TBC1D5: variants seen among roughly 807,000 people sequenced by gnomAD.
TBC1D5 encodes TBC1 domain family, member 5.
In TBC1D5, 75 loss-of-function variants were observed where a neutral mutation model predicts 100.3. The ratio of observed to expected loss-of-function variants is 0.75; its 90% CI spans 0.62 to 0.91. The LOEUF (loss-of-function observed/expected upper bound fraction) is 0.91. TBC1D5 is among the 40% of genes least tolerant of loss of function. The pLI is 0.00. For missense variants in TBC1D5, 910 were observed against 942.4 expected, an observed-to-expected ratio of 0.97 and a Z score of 0.45; for synonymous variants, 323 against 325.6, an observed-to-expected ratio of 0.99 and a Z score of 0.09.
intron 2 of TBC1D5, among the ~76,000 whole-genome samples, chr3:17,597,547 A>T (rs2060648914): frequency 6.6e-6 from 1 of 152,210 alleles, no homozygotes; most frequent in South Asian, 2.1e-4. Flanking sequence ...CATTATCATT[A>T]CCCACTCTGT....
chr3:17,298,646 A>T (rs942645532), intron 14 of TBC1D5, among the ~76,000 whole-genome samples: 1 of 152,210 alleles, frequency 6.6e-6, no homozygotes, highest in Non-Finnish European at 1.5e-5. Context: ...CAGTAGGTGA[A>T]TTAATAAACA....
intron 2 of TBC1D5, among the ~76,000 whole-genome samples, chr3:17,545,458 C>T (rs1369163500): frequency 2.0e-5 from 3 of 152,140 alleles, no homozygotes; most frequent in African/African-American, 7.2e-5. Context: ...TACCGTGTTA[C>T]GACAGTCCTA....
At chr3:17,240,428 A>G (rs1282836846) in intron 16 of TBC1D5, among the ~76,000 whole-genome samples, 1 of 152,166 alleles carries the variant, frequency 6.6e-6, no homozygotes, top group Non-Finnish European at 1.5e-5. Flanking sequence ...CCTACTGGAG[A>G]TAAGGATATA....
chr3:17,460,806 T>TA (rs200355442), intron 3 of TBC1D5, among the ~76,000 whole-genome samples: 1 of 150,946 alleles, frequency 6.6e-6, no homozygotes, highest in African/African-American at 2.4e-5. Context: ...AATTATACAA[T>TA]AAAAAAAATT....
intron 8 of TBC1D5, among the ~76,000 whole-genome samples, chr3:17,386,602 C>T (rs1324470897): frequency 2.0e-5 from 3 of 152,066 alleles, no homozygotes; most frequent in African/African-American, 7.2e-5. Context: ...ACTGTTCAAC[C>T]CATGTTCAAA....
intron 1 of TBC1D5, among the ~76,000 whole-genome samples, chr3:17,731,193 A>G (rs1478380263): frequency 6.6e-6 from 1 of 152,146 alleles, no homozygotes; most frequent in African/African-American, 2.4e-5. Context: ...ATCACATAAT[A>G]TAAGGGAGGC....
At chr3:17,674,256 A>C (rs957701550) in intron 1 of TBC1D5, among the ~76,000 whole-genome samples, 2 of 152,188 alleles carry the variant, frequency 1.3e-5, no homozygotes, top group Non-Finnish European at 2.9e-5. Flanking sequence ...TATGCCTTTG[A>C]AAATTTGACA....
chr3:17,285,072 A>G (rs75463215), intron 15 of TBC1D5, among the ~76,000 whole-genome samples: 1 of 151,788 alleles, frequency 6.6e-6, no homozygotes, highest in Non-Finnish European at 1.5e-5. Flanking sequence ...AAAAAAAAAA[A>G]GATGAAAATA....
intron 4 of TBC1D5, among the ~76,000 whole-genome samples, chr3:17,410,860 G>A (rs1011161789): frequency 1.3e-5 from 2 of 152,104 alleles, no homozygotes; most frequent in African/African-American, 2.4e-5. Flanking sequence ...GCTGGTGAAG[G>A]TGCTGTGAAT....
chr3:17,652,587 A>G (rs2065680794), intron 1 of TBC1D5, among the ~76,000 whole-genome samples: 1 of 152,206 alleles, frequency 6.6e-6, no homozygotes, highest in Non-Finnish European at 1.5e-5. Flanking sequence ...TCTTGTTATC[A>G]TTATAGATGG....
At chr3:17,174,598 T>C (rs892431376) in intron 19 of TBC1D5, among the ~76,000 whole-genome samples, 8 of 151,984 alleles carry the variant, frequency 5.3e-5, no homozygotes, top group African/African-American at 1.9e-4. Context: ...TTTGTTGTTG[T>C]TGTTGTTGTT....
chr3:17,450,566 G>A (rs2094902167), intron 3 of TBC1D5, among the ~76,000 whole-genome samples: 1 of 152,098 alleles, frequency 6.6e-6, no homozygotes, highest in Admixed American at 6.5e-5. Flanking sequence ...AAAAAACACA[G>A]CACAAGAACT....
chr3:17,535,630 C>T (rs1247664217), intron 2 of TBC1D5, among the ~76,000 whole-genome samples: 2 of 151,906 alleles, frequency 1.3e-5, no homozygotes, highest in Admixed American at 1.3e-4. Flanking sequence ...CCCAAGAGAA[C>T]ATTTTTTGTT....
chr3:17,193,222 T>G (rs570316807), intron 18 of TBC1D5, among the ~76,000 whole-genome samples: 1 of 152,322 alleles, frequency 6.6e-6, no homozygotes, highest in East Asian at 1.9e-4. Flanking sequence ...TAGATAGTGA[T>G]CATTCAAACC....
intron 2 of TBC1D5, among the ~76,000 whole-genome samples, chr3:17,539,571 C>T (rs2096326902): frequency 6.6e-6 from 1 of 152,068 alleles, no homozygotes; most frequent in Non-Finnish European, 1.5e-5. Context: ...CTTATCGCTA[C>T]AAAAAGTCGT....
At chr3:17,503,979 A>T (rs1400645943) in intron 3 of TBC1D5, among the ~76,000 whole-genome samples, 1 of 149,428 alleles carries the variant, frequency 6.7e-6, no homozygotes, top group Non-Finnish European at 1.5e-5. Flanking sequence ...TTTTAGGAGA[A>T]ACTTCAAAGG....
intron 3 of TBC1D5, among the ~76,000 whole-genome samples, chr3:17,495,744 T>C (rs1249055862): frequency 2.0e-5 from 3 of 152,268 alleles, no homozygotes; most frequent in African/African-American, 2.4e-5. Flanking sequence ...CATTAGAAAA[T>C]AAAACAAAAG....
chr3:17,716,031 GAA>G (rs2075210153), intron 1 of TBC1D5, among the ~76,000 whole-genome samples: 1 of 151,876 alleles, frequency 6.6e-6, no homozygotes. Flanking sequence ...CAGCCTGGGC[GAA>G]AAGAGTGAAA....
Position 17,588,327 on chromosome 3 carries a change from T to C in TBC1D5, c.-36+35522A>G, listed in dbSNP as rs917205034. Among the ~76,000 whole-genome samples, 14 of 151,144 alleles carry C rather than the reference T, an allele frequency of 9.3e-5. No homozygotes were observed. In the South Asian group the frequency reaches 1.0e-3, roughly 11 times the overall value. On this transcript the variant is annotated intron_variant, in intron 2 of 21. Transcript: ENST00000253692. ...AAAAAATCTCTACAGTAAGACTATA[T>C]GAAACAACTAAACTTTCTCAGAAAT...
Sources: gnomAD v4.1 joint callset for allele counts (sites outside exome capture counted in the v4.1 genomes callset) on GRCh38, gnomAD v4.1.1 for gene constraint, MANE v1.5 for transcripts, NCBI Gene and HGNC (gene_info 2026-07-23, HGNC 2026-07-21) for gene names.